The following MED31 variants were observed in gnomAD, a reference collection of about 807,000 sequenced individuals.
MED31 encodes the protein mediator complex subunit 31.
A neutral mutation model predicts 22.0 loss-of-function variants in MED31; 11 were observed. That is an observed-to-expected ratio of 0.50 (90% confidence interval 0.31 to 0.83). The LOEUF (loss-of-function observed/expected upper bound fraction) is 0.83. Among genes scored for constraint, MED31 ranks in the 40% least tolerant of loss-of-function variants. The pLI is 0.04. For synonymous variants in MED31, 60 were observed against 55.1 expected, an observed-to-expected ratio of 1.09 and a Z score of -0.40; for missense variants, 122 against 155.3, an observed-to-expected ratio of 0.79 and a Z score of 1.14.
Position 6,643,906 on chromosome 17 carries a change from ACAGTGATT to A in MED31, c.*553_*560del, listed in dbSNP as rs1972729012. On this transcript the variant is annotated 3_prime_UTR_variant, in exon 4 of 4. Coordinates refer to ENST00000225728, the MANE Select transcript of MED31 (RefSeq NM_016060.3). ...TGCCATGACTAGGTCAAGTGAGGCC[ACAGTGATT>A]CAGTGATTCTTAAAGCCACCTTGCA... The A allele has an allele frequency of 2.6e-6, 1 of 388,498 alleles. No individual in the cohort carries two copies. The highest frequency in any genetic ancestry group is 4.5e-6 in the Non-Finnish European group (1 of 220,002). 24.1% of individuals were successfully genotyped at this position (388,498 alleles called of 1,614,324 possible).
chr17:6,646,004 T>A (rs575688269), intron 3 of MED31, among the ~76,000 whole-genome samples: 12 of 152,232 alleles, frequency 7.9e-5, no homozygotes, highest in Admixed American at 7.2e-4. Flanking sequence ...GTGGGACAAA[T>A]AGACTTCATG....
At chr17:6,650,275 G>C (rs1972817412) in intron 2 of MED31, 81 bp downstream of exon 2, 1 of 1,414,474 alleles carries the variant, frequency 7.1e-7, no homozygotes, top group South Asian at 1.2e-5. Flanking sequence ...ATGTGTAAAA[G>C]TAGATACTAT....
chr17:6,643,939 A>C lies in MED31; in HGVS notation c.*528T>G. The C allele has an allele frequency of 2.5e-6, 1 of 395,416 alleles. No homozygotes were observed. The allele number at this position is 395,416 out of a possible 1,614,324, so 24.5% of individuals were successfully genotyped here. ...TCAGTGATTCTTAAAGCCACCTTGC[A>C]AAGCAGGTAATACAGTTATTTCCTG... On this transcript the variant is annotated 3_prime_UTR_variant, in exon 4 of 4. Transcript: ENST00000225728.
intron 3 of MED31, among the ~76,000 whole-genome samples, chr17:6,645,162 A>C (rs919610030): frequency 1.3e-5 from 2 of 152,218 alleles, no homozygotes; most frequent in African/African-American, 4.8e-5. Flanking sequence ...TGGACAAGCA[A>C]ATATACTGTG....
Position 6,644,161 on chromosome 17 carries a change from C to A in MED31, c.*306G>T, listed in dbSNP as rs1395981982. 6.7e-6 allele frequency: 3 copies of A among 446,212 alleles called. No individual in the cohort carries two copies. In the East Asian group the frequency reaches 1.0e-4, roughly 15 times the overall value. The allele number at this position is 446,212 out of a possible 1,614,324, so 27.6% of individuals were successfully genotyped here. A position where few individuals can be genotyped will look rare whatever the true frequency, so the allele number is the denominator to read the frequency against. On this transcript the variant is annotated 3_prime_UTR_variant, in exon 4 of 4. Transcript: ENST00000225728. ...GAATTCAGTATACTTGGTGGCCCAC[C>A]CCTACCCCATGCCCCAGTGCCTTAT...
Position 6,644,165 on chromosome 17 carries a change from A to AC in MED31, c.*301dup, listed in dbSNP as rs1175292374. The AC allele has an allele frequency of 1.1e-5, 5 of 446,892 alleles. No individual in the cohort carries two copies. The highest frequency in any genetic ancestry group is 2.0e-5 in the Non-Finnish European group (5 of 254,766). 27.7% of individuals were successfully genotyped at this position (446,892 alleles called of 1,614,324 possible). A position where few individuals can be genotyped will look rare whatever the true frequency, so the allele number is the denominator to read the frequency against. On this transcript the variant is annotated 3_prime_UTR_variant, in exon 4 of 4. Coordinates refer to ENST00000225728, the MANE Select transcript of MED31 (RefSeq NM_016060.3). ...TCAGTATACTTGGTGGCCCACCCCTACCCCATGCCCCAGTGCCTTATTTGG... is the reference window on the plus strand; with the variant it reads ...TCAGTATACTTGGTGGCCCACCCCTACCCCCATGCCCCAGTGCCTTATTTGG...
chr17:6,651,514 G>A lies in MED31; in HGVS notation c.15C>T (p.Val5=). The change falls in exon 1 of 4, where the codon GTC becomes GTT. Residue 5 remains valine, a synonymous_variant. Transcript: ENST00000225728. The part of the protein sequence containing the change: MAAA[V]AMETDDAGNR... Reference sequence around the variant, plus strand: ...AGAGCTACTCACCTGTCTCCATAGCGACAGCAGCGGCCATAACAAACGAAG... The same window carrying A: ...AGAGCTACTCACCTGTCTCCATAGCAACAGCAGCGGCCATAACAAACGAAG... 1.9e-6 allele frequency: 3 copies of A among 1,614,084 alleles called. No individual in the cohort carries two copies. Among genetic ancestry groups the A allele is most frequent in the Non-Finnish European group, 2.5e-6 (3 of 1,179,994 alleles).
chr17:6,646,578 T>C (rs1259429733), intron 3 of MED31, among the ~76,000 whole-genome samples: 1 of 152,238 alleles, frequency 6.6e-6, no homozygotes, highest in Non-Finnish European at 1.5e-5. Flanking sequence ...CTGTGCAGGA[T>C]GTGCCTTGTT....
intron 3 of MED31, among the ~76,000 whole-genome samples, chr17:6,647,646 A>G (rs1268070941): frequency 6.6e-6 from 1 of 152,230 alleles, no homozygotes; most frequent in African/African-American, 2.4e-5. Flanking sequence ...CTATCCACAC[A>G]CTAAAAATAC....
intron 3 of MED31, among the ~76,000 whole-genome samples, chr17:6,649,109 A>C (rs1482662583): frequency 6.8e-6 from 1 of 146,722 alleles, no homozygotes; most frequent in Non-Finnish European, 1.5e-5. Context: ...GAGAAGTTTG[A>C]AACATTTTCC....
chr17:6,646,241 T>C (rs922604822), intron 3 of MED31, among the ~76,000 whole-genome samples: 1 of 152,234 alleles, frequency 6.6e-6, no homozygotes, highest in Non-Finnish European at 1.5e-5. Context: ...CTGATTGTAG[T>C]GTTACACATT....
intron 2 of MED31, 103 bp from the exon 3 acceptor site, chr17:6,650,181 C>G: frequency 7.9e-7 from 1 of 1,258,572 alleles, no homozygotes; most frequent in Non-Finnish European, 1.1e-6. Context: ...CCCCCACCAC[C>G]AACACACATT....
intron 3 of MED31, 123 bp downstream of exon 3, chr17:6,649,859 A>G: frequency 2.0e-6 from 2 of 993,072 alleles, no homozygotes; most frequent in Non-Finnish European, 2.8e-6. Flanking sequence ...GGTGTCTTGT[A>G]TTAAGACGGT....
At chr17:6,646,874 T>C (rs746664197) in intron 3 of MED31, among the ~76,000 whole-genome samples, 31 of 152,226 alleles carry the variant, frequency 2.0e-4, no homozygotes, top group Non-Finnish European at 4.1e-4. Context: ...TTCTGTCTCC[T>C]GCTCGTCCCT....
chr17:6,648,276 T>C (rs2150948914), intron 3 of MED31, among the ~76,000 whole-genome samples: 1 of 152,354 alleles, frequency 6.6e-6, no homozygotes, highest in South Asian at 2.1e-4. Context: ...CTGCCAAATA[T>C]CCAAAGGAGG....
intron 3 of MED31, 40 bp from the exon 4 acceptor site, chr17:6,644,699 G>T: frequency 6.7e-7 from 1 of 1,498,464 alleles, no homozygotes; most frequent in South Asian, 1.4e-5. Context: ...ACATAATTTA[G>T]GTAAATAATG....
intron 3 of MED31, among the ~76,000 whole-genome samples, chr17:6,646,202 A>G (rs1972764847): frequency 6.6e-6 from 1 of 152,258 alleles, no homozygotes; most frequent in Admixed American, 6.5e-5. Context: ...TCTGTAGATT[A>G]GGTAATAATA....
In MED31 at chr17:6,644,332, T is replaced by C. The variant is rs1253634145; in HGVS notation, c.*135A>G. 1.0e-6 allele frequency: 1 copy of C among 1,000,268 alleles called. No individual in the cohort carries two copies. Among genetic ancestry groups the C allele is most frequent in the Non-Finnish European group, 1.4e-6 (1 of 736,938 alleles). 62.0% of individuals were successfully genotyped at this position (1,000,268 alleles called of 1,614,324 possible). ...AGTCTATTAACAATAAAAAGTTGGA[T>C]GAAAAAGCACACTAAAGGTTCTAGG... On this transcript the variant is annotated 3_prime_UTR_variant, in exon 4 of 4. Coordinates refer to ENST00000225728, the MANE Select transcript of MED31 (RefSeq NM_016060.3).
intron 3 of MED31, among the ~76,000 whole-genome samples, chr17:6,647,211 C>T (rs1254263281): frequency 6.6e-6 from 1 of 152,144 alleles, no homozygotes; most frequent in Non-Finnish European, 1.5e-5. Flanking sequence ...ACTCAGAGAC[C>T]GGCACTGGTG....
Sources: allele counts gnomAD v4.1 joint callset (sites outside exome capture counted in the v4.1 genomes callset), GRCh38; gene constraint gnomAD v4.1.1; transcripts MANE v1.5; gene names NCBI Gene and HGNC (gene_info 2026-07-23, HGNC 2026-07-21).